IQUB: variants seen among roughly 807,000 people sequenced by gnomAD.
IQUB encodes the protein IQ motif and ubiquitin domain containing.
Under a neutral mutation model 86.4 loss-of-function variants are expected in IQUB, and 86 were observed. The ratio of observed to expected loss-of-function variants is 1.00; its 90% CI spans 0.84 to 1.19. The LOEUF is 1.19. IQUB is among the 50% of genes most tolerant of loss of function. The pLI, the probability that IQUB is intolerant of heterozygous loss-of-function variation, is 0.00. For missense variants in IQUB, 946 were observed against 916.9 expected, an observed-to-expected ratio of 1.03 and a Z score of -0.41; for synonymous variants, 289 against 304.5, an observed-to-expected ratio of 0.95 and a Z score of 0.53.
chr7:123,496,799 T>C lies in IQUB; in HGVS notation c.1131A>G (p.Leu377=), dbSNP rs1299633916. The part of the protein sequence containing the change: ...LRLEWETQQE[L]RKIREKEEWI... ...ATTCTTCTTTTTCTCTTATCTTCCT[T>C]AGTTCTTGCTGTGTTTCCCATTCCA... Residue 377 remains leucine, a synonymous_variant, in exon 7 of 13, where the codon CTA becomes CTG. Transcript: ENST00000324698. The C allele has an allele frequency of 6.2e-7, 1 of 1,612,048 alleles. No homozygotes were observed.
intron 11 of IQUB, among the ~76,000 whole-genome samples, chr7:123,460,400 ATTTGGTATC>A (rs1793924906): frequency 6.7e-6 from 1 of 148,594 alleles, no homozygotes; most frequent in Admixed American, 6.7e-5. Context: ...AGCACATCAC[ATTTGGTATC>A]TTTTTTTTAA....
intron 2 of IQUB, 104 bp downstream of exon 2, chr7:123,511,840 A>G (rs987017514): frequency 3.7e-6 from 3 of 817,504 alleles, no homozygotes; most frequent in Non-Finnish European, 5.6e-6. Flanking sequence ...AGGGAAAGGA[A>G]TATCAAATAT....
chr7:123,516,562 G>T (rs1260966821), intron 1 of IQUB, among the ~76,000 whole-genome samples: 1 of 151,954 alleles, frequency 6.6e-6, no homozygotes, highest in East Asian at 1.9e-4. Context: ...TATTAAGTGA[G>T]AAAAAGAAAG....
chr7:123,502,740 T>C lies in IQUB; in HGVS notation c.880A>G (p.Lys294Glu), dbSNP rs1402022948. ...TTTGTAGTTTGTTGGAGATTTTTTT[T>C]CTGAAAAACTGTCTAAAAGAAAACA... ...FCRDTQTVFQKKNLQQTTNTT... is the reference protein window; with the variant it reads ...FCRDTQTVFQEKNLQQTTNTT... Residue 294 changes from lysine to glutamate, a missense_variant, in exon 6 of 13, where the codon AAA (lysine) becomes GAA (glutamate). By Grantham distance (56) the Lys-to-Glu change is moderately conservative (BLOSUM62 1). Transcript: ENST00000324698. 1.9e-6 allele frequency: 3 copies of C among 1,600,090 alleles called. No homozygotes were observed. Among genetic ancestry groups the C allele is most frequent in the Admixed American group, 3.5e-5 (2 of 57,486 alleles).
At chr7:123,524,661 C>T (rs1214750487) in intron 1 of IQUB, among the ~76,000 whole-genome samples, 8 of 151,264 alleles carry the variant, frequency 5.3e-5, no homozygotes, top group South Asian at 4.2e-4. Flanking sequence ...GACAATTTGA[C>T]TTCCTCTTTT....
At chr7:123,481,304 T>C (rs1424456054) in intron 7 of IQUB, among the ~76,000 whole-genome samples, 3 of 152,092 alleles carry the variant, frequency 2.0e-5, no homozygotes, top group African/African-American at 7.2e-5. Flanking sequence ...TGTGCATCAT[T>C]TGACTCATTT....
At chr7:123,485,562 T>C (rs1487252195) in intron 7 of IQUB, among the ~76,000 whole-genome samples, 1 of 152,134 alleles carries the variant, frequency 6.6e-6, no homozygotes, top group Non-Finnish European at 1.5e-5. Context: ...CACTTTGTCT[T>C]CTCATCTTCC....
intron 6 of IQUB, among the ~76,000 whole-genome samples, chr7:123,497,951 A>C (rs1490519994): frequency 6.6e-6 from 1 of 151,844 alleles, no homozygotes; most frequent in Non-Finnish European, 1.5e-5. Flanking sequence ...AGTGGCCACT[A>C]ACCAGGTGAC....
Position 123,514,097 on chromosome 7 carries a change from C to T in IQUB, c.-4-1753G>A, listed in dbSNP as rs562610509. Reference sequence around the variant, plus strand: ...AGTCATATACATTGTAATGAAATTACAGACTATCGAAGACAAAGAGAAGGT... The same window carrying T: ...AGTCATATACATTGTAATGAAATTATAGACTATCGAAGACAAAGAGAAGGT... On this transcript the variant is annotated intron_variant, in intron 1 of 12. Coordinates refer to ENST00000324698, the MANE Select transcript of IQUB (RefSeq NM_178827.5). Among the ~76,000 whole-genome samples, 5 of 152,270 alleles carry T rather than the reference C, an allele frequency of 3.3e-5. No individual in the cohort carries two copies. In the East Asian group the frequency reaches 9.6e-4, roughly 29 times the overall value.
At chr7:123,477,800 T>C (rs1337360911) in intron 8 of IQUB, among the ~76,000 whole-genome samples, 1 of 152,170 alleles carries the variant, frequency 6.6e-6, no homozygotes, top group Non-Finnish European at 1.5e-5. Context: ...GAGACATTTC[T>C]CAAAAGAAGA....
chr7:123,528,541 T>C (rs1008517844), intron 1 of IQUB, among the ~76,000 whole-genome samples: 4 of 152,162 alleles, frequency 2.6e-5, no homozygotes, highest in African/African-American at 9.7e-5. Context: ...CCAGAACCCA[T>C]GCCCTTAACC....
intron 7 of IQUB, among the ~76,000 whole-genome samples, chr7:123,483,723 C>T (rs908699155): frequency 6.6e-6 from 1 of 151,978 alleles, no homozygotes; most frequent in African/African-American, 2.4e-5. Context: ...CCTAAAAGCC[C>T]AACATTTTCA....
rs761468657 is a variant in IQUB at position 123,509,982 on chromosome 7, C to A, written c.451G>T (p.Asp151Tyr). 3.7e-6 allele frequency: 6 copies of A among 1,600,482 alleles called. No individual in the cohort carries two copies. In the Admixed American group the frequency reaches 8.4e-5, roughly 22 times the overall value. ...GQEIVIPFKVDTILKYLKDHF... is the reference protein window; with the variant it reads ...GQEIVIPFKVYTILKYLKDHF... ...TCCTTAAGATATTTAAGAATGGTAT[C>A]AACCTTAAAAGGTATTACAATTTCC... Residue 151 changes from aspartate (D) to tyrosine (Y), a missense_variant, in exon 3 of 13, where the codon GAT becomes TAT. By Grantham distance (160) the Asp-to-Tyr change is radical (BLOSUM62 -3). Transcript: ENST00000324698.
chr7:123,519,362 G>A (rs1796796715), intron 1 of IQUB, among the ~76,000 whole-genome samples: 1 of 152,122 alleles, frequency 6.6e-6, no homozygotes, highest in Non-Finnish European at 1.5e-5. Context: ...GCACTCCCAT[G>A]TTTACTACAG....
At chr7:123,498,149 G>A (rs1795786981) in intron 6 of IQUB, among the ~76,000 whole-genome samples, 1 of 151,704 alleles carries the variant, frequency 6.6e-6, no homozygotes, top group South Asian at 2.1e-4. Context: ...AAAATCATGG[G>A]GTCAGACTGG....
intron 1 of IQUB, among the ~76,000 whole-genome samples, chr7:123,520,190 G>C (rs1796839000): frequency 1.3e-5 from 2 of 151,954 alleles, no homozygotes; most frequent in Admixed American, 6.6e-5. Context: ...TACTAATTTA[G>C]TTGTTACTTG....
At chr7:123,477,834 T>A (rs74501941) in intron 8 of IQUB, among the ~76,000 whole-genome samples, 1 of 152,014 alleles carries the variant, frequency 6.6e-6, no homozygotes, top group Admixed American at 6.6e-5. Flanking sequence ...AACAGACACA[T>A]GAAAAAATGC....
At chr7:123,515,697 A>C (rs1448337018) in intron 1 of IQUB, among the ~76,000 whole-genome samples, 1 of 152,240 alleles carries the variant, frequency 6.6e-6, no homozygotes, top group Non-Finnish European at 1.5e-5. Flanking sequence ...TCACAATGAG[A>C]TAGCACTACA....
At chr7:123,512,900 C>T (rs144555024) in intron 1 of IQUB, among the ~76,000 whole-genome samples, 53 of 152,278 alleles carry the variant, frequency 3.5e-4, no homozygotes, top group African/African-American at 1.1e-3. Context: ...ATAGCAACCA[C>T]GAGCTTGGGT....
Sources: allele counts gnomAD v4.1 joint callset (sites outside exome capture counted in the v4.1 genomes callset), GRCh38; gene constraint gnomAD v4.1.1; transcripts MANE v1.5; gene names NCBI Gene and HGNC (gene_info 2026-07-23, HGNC 2026-07-21).